PCDHA5: variants seen among roughly 807,000 people sequenced by gnomAD.
PCDHA5 encodes protocadherin alpha-5.
In PCDHA5, 43 loss-of-function variants were observed where a neutral mutation model predicts 61.6. That is an observed-to-expected ratio of 0.70 (90% CI 0.55 to 0.90). PCDHA5 has a LOEUF of 0.90. Among genes scored for constraint, PCDHA5 ranks in the 40% least tolerant of loss-of-function variants. The probability of loss-of-function intolerance (pLI) is 0.00; values close to 1 mark genes in which losing one functional copy is unlikely to be tolerated. For missense variants in PCDHA5, 1,298 were observed against 1,222.7 expected (o/e 1.06, Z -0.92); for synonymous variants, 627 against 543.9 (o/e 1.15, Z -2.13).
intron 1 of PCDHA5, chr5:140,842,290 G>T: frequency 6.2e-7 from 1 of 1,610,202 alleles, no homozygotes; most frequent in South Asian, 1.1e-5. Context: ...TTGACGCCAC[G>T]GACAAAGGCC....
intron 3 of PCDHA5, among the ~76,000 whole-genome samples, chr5:140,987,400 C>T (rs1554249169): frequency 1.3e-5 from 2 of 152,090 alleles, no homozygotes; most frequent in Middle Eastern, 3.2e-3. Context: ...AGGAAGCCAT[C>T]TGTTTATGGT....
At chr5:140,847,137 TA>T (rs1554141666) in intron 1 of PCDHA5, among the ~76,000 whole-genome samples, 1 of 149,712 alleles carries the variant, frequency 6.7e-6, no homozygotes, top group Non-Finnish European at 1.5e-5. Context: ...AAAACCAATG[TA>T]AGAAGATCTC....
At chr5:140,989,444 T>C (rs2097342711) in intron 3 of PCDHA5, among the ~76,000 whole-genome samples, 1 of 152,130 alleles carries the variant, frequency 6.6e-6, no homozygotes, top group South Asian at 2.1e-4. Context: ...CTGAGGTTGT[T>C]TAGAATTGTT....
At chr5:141,007,395 C>CAAAA (rs35800918) in intron 3 of PCDHA5, among the ~76,000 whole-genome samples, 7 of 94,852 alleles carry the variant, frequency 7.4e-5, no homozygotes, top group East Asian at 2.9e-4. Context: ...TACTAAAATA[C>CAAAA]AAAAAAAAAA....
chr5:140,829,816 T>C (rs2150175358), intron 1 of PCDHA5: 4 of 1,613,796 alleles, frequency 2.5e-6, no homozygotes, highest in South Asian at 1.1e-5. Context: ...GTACTGGTGG[T>C]GCAGTGAGCG....
chr5:140,928,731 C>T, intron 1 of PCDHA5: 2 of 1,614,164 alleles, frequency 1.2e-6, no homozygotes, highest in Non-Finnish European at 1.7e-6. Context: ...GAATTTCAGC[C>T]AATATAGGTG....
chr5:140,830,479 T>G (rs2150187102), intron 1 of PCDHA5: 10 of 1,522,278 alleles, frequency 6.6e-6, no homozygotes, highest in Non-Finnish European at 8.8e-6. Flanking sequence ...AAGATCATGA[T>G]GCCAAAGTAA....
At chr5:140,988,828 A>C (rs1554250455) in intron 3 of PCDHA5, 1 of 152,170 alleles carries the variant, frequency 6.6e-6, no homozygotes, top group Non-Finnish European at 1.5e-5. Flanking sequence ...CCAAACAGAG[A>C]TCACGTGTCT....
intron 1 of PCDHA5, chr5:140,835,730 C>A: frequency 1.2e-6 from 2 of 1,613,804 alleles, no homozygotes; most frequent in South Asian, 1.1e-5. Context: ...CCGACGTGAA[C>A]GACAACGCCC....
intron 1 of PCDHA5, among the ~76,000 whole-genome samples, chr5:140,947,220 T>A (rs531697572): frequency 6.6e-6 from 1 of 151,686 alleles, no homozygotes; most frequent in East Asian, 1.9e-4. Flanking sequence ...ATCCTGTCAT[T>A]TATGACAGGA....
intron 1 of PCDHA5, chr5:140,829,501 G>A (rs2150169011): frequency 4.3e-6 from 7 of 1,613,442 alleles, no homozygotes; most frequent in Middle Eastern, 1.8e-4. Context: ...ACAACCCGCC[G>A]GGCTGCCACA....
intron 1 of PCDHA5, chr5:140,830,494 A>T (rs2150187219): frequency 3.4e-6 from 5 of 1,472,568 alleles, no homozygotes; most frequent in Non-Finnish European, 4.5e-6. Flanking sequence ...AAGTAAGTGA[A>T]TTTTCATAAT....
chr5:140,968,121 T>C (rs1554230356), intron 1 of PCDHA5: 2 of 1,614,180 alleles, frequency 1.2e-6, no homozygotes, highest in Non-Finnish European at 1.7e-6. Flanking sequence ...CTCACATCCC[T>C]GCGTACACTG....
chr5:140,883,447 C>T (rs967998655), intron 1 of PCDHA5: 13 of 1,614,168 alleles, frequency 8.1e-6, no homozygotes, highest in Non-Finnish European at 1.0e-5. Flanking sequence ...CGCCGCATGT[C>T]CCCTTCAAGC....
At chr5:141,008,367 G>A (rs2098373101) in intron 3 of PCDHA5, among the ~76,000 whole-genome samples, 1 of 152,144 alleles carries the variant, frequency 6.6e-6, no homozygotes, top group African/African-American at 2.4e-5. Flanking sequence ...AAGGAGCAGT[G>A]TTAGATACAT....
At chr5:140,952,698 C>G (rs1020795237) in intron 1 of PCDHA5, among the ~76,000 whole-genome samples, 4 of 152,182 alleles carry the variant, frequency 2.6e-5, no homozygotes, top group Non-Finnish European at 4.4e-5. Context: ...ATAGCAATAT[C>G]CCACTCTCAG....
Position 140,926,934 on chromosome 5 carries a change from C to T in PCDHA5, c.2353-52015C>T, listed in dbSNP as rs138351230. ...TGGCAGTTTTATGTTTGTGGGTTTC[C>T]TGCGGCGCTGCAGCGGGACAGCTCG... On this transcript the variant is annotated intron_variant, in intron 1 of 3. Coordinates refer to ENST00000529859, the MANE Select transcript of PCDHA5 (RefSeq NM_018908.3). The T allele has an allele frequency of 5.7e-6, 9 of 1,578,848 alleles. No homozygotes were observed. The African/African-American group carries it at 1.2e-4, about 21-fold the overall frequency.
chr5:140,965,283 A>G (rs1342044804), intron 1 of PCDHA5, among the ~76,000 whole-genome samples: 1 of 152,200 alleles, frequency 6.6e-6, no homozygotes, highest in Non-Finnish European at 1.5e-5. Context: ...CACAGCATGG[A>G]AAGATTTCCT....
At position 140,859,297 on chromosome 5, in the gene PCDHA5, G is replaced by A. The variant is rs918204885; in HGVS notation, c.2352+35170G>A. 281 of 128,994 alleles carry A rather than the reference G, an allele frequency of 2.2e-3. 12 individuals are homozygous for A. The highest frequency in any genetic ancestry group is 7.5e-3 in the African/African-American group (274 of 36,598). The allele number at this position is 128,994 out of a possible 1,614,324, so 8.0% of individuals were successfully genotyped here. A position where few individuals can be genotyped will look rare whatever the true frequency, so the allele number is the denominator to read the frequency against. On this transcript the variant is annotated intron_variant, in intron 1 of 3. Coordinates refer to ENST00000529859, the MANE Select transcript of PCDHA5 (RefSeq NM_018908.3). Reference sequence around the variant, plus strand: ...TACTTTTGAGACTGAAAATACTTTAGTATGAATTAATATTAAAAGTTTGAG... The same window carrying A: ...TACTTTTGAGACTGAAAATACTTTAATATGAATTAATATTAAAAGTTTGAG...
Sources: allele counts gnomAD v4.1 joint callset (sites outside exome capture counted in the v4.1 genomes callset), GRCh38; gene constraint gnomAD v4.1.1; transcripts MANE v1.5; gene names NCBI Gene and HGNC (gene_info 2026-07-23, HGNC 2026-07-21).